The following MSH3 variants were observed in gnomAD, a reference collection of about 807,000 sequenced individuals.
The protein encoded by MSH3 is mutS homolog 3, also known as DNA mismatch repair protein Msh3.
A neutral mutation model predicts 123.3 loss-of-function variants in MSH3; 106 were observed. That is an observed-to-expected ratio of 0.86 (90% CI 0.73 to 1.01). The LOEUF is 1.01. Among genes scored for constraint, MSH3 ranks in the 50% least tolerant of loss-of-function variants. The probability of loss-of-function intolerance (pLI) is 0.00; values close to 1 mark genes in which losing one functional copy is unlikely to be tolerated. For synonymous variants in MSH3, 515 were observed against 481.4 expected, an observed-to-expected ratio of 1.07 and a Z score of -0.91; for missense variants, 1,459 against 1,347.6, an observed-to-expected ratio of 1.08 and a Z score of -1.29.
intron 21 of MSH3, among the ~76,000 whole-genome samples, chr5:80,856,889 A>C (rs1745929598): frequency 6.6e-6 from 1 of 151,188 alleles, no homozygotes; most frequent in Non-Finnish European, 1.5e-5. Context: ...TTCCCCATCT[A>C]TTTTTTTTTT....
chr5:80,694,217 A>G (rs1249568441), intron 8 of MSH3, among the ~76,000 whole-genome samples: 2 of 152,184 alleles, frequency 1.3e-5, no homozygotes, highest in African/African-American at 2.4e-5. Flanking sequence ...TGGAAAATAT[A>G]TATGTATTCA....
intron 18 of MSH3, among the ~76,000 whole-genome samples, chr5:80,788,822 GAT>G (rs1744560593): frequency 6.6e-6 from 1 of 151,266 alleles, no homozygotes; most frequent in East Asian, 1.9e-4. Flanking sequence ...AAAAAAGAGA[GAT>G]AGAATTTAAA....
In MSH3 at chr5:80,729,575, A is replaced by G. The variant is rs575376683; in HGVS notation, c.1568+610A>G. 4.6e-5 allele frequency among the ~76,000 whole-genome samples: 7 copies of G among 152,046 alleles called. No homozygotes were observed. In the South Asian group the frequency reaches 1.2e-3, roughly 27 times the overall value. ...TGCTTTATACTAACTGGACCCAGAA[A>G]TAGTATTAAAAAGCATTCATAAAAA... On this transcript the variant is annotated intron_variant, in intron 10 of 23. Transcript: ENST00000265081.
Position 80,837,270 on chromosome 5 carries a change from C to A in MSH3, c.2814-16860C>A, listed in dbSNP as rs1265591459. On this transcript the variant is annotated intron_variant, in intron 20 of 23. Transcript: ENST00000265081. ...GACCAAAGAGTGTAAATTAGTGAAA[C>A]TAGTTTGCAAGAATACTAGGGACAG... Among the ~76,000 whole-genome samples, 3 of 152,104 alleles carry A rather than the reference C, an allele frequency of 2.0e-5. No homozygotes were observed. In the East Asian group the frequency reaches 5.8e-4, roughly 29 times the overall value.
At chr5:80,689,402 ATGTT>A (rs1449510653) in intron 8 of MSH3, among the ~76,000 whole-genome samples, 13 of 152,290 alleles carry the variant, frequency 8.5e-5, no homozygotes, top group African/African-American at 3.1e-4. Context: ...AAGTTAATAC[ATGTT>A]TGTTGTAAAA....
chr5:80,823,809 A>G (rs1289417494), intron 20 of MSH3, among the ~76,000 whole-genome samples: 1 of 152,080 alleles, frequency 6.6e-6, no homozygotes, highest in East Asian at 1.9e-4. Context: ...AAGTGAACAA[A>G]GGTCTCTGGT....
intron 8 of MSH3, among the ~76,000 whole-genome samples, chr5:80,719,194 C>T (rs912986198): frequency 5.9e-5 from 9 of 151,938 alleles, no homozygotes; most frequent in Admixed American, 4.6e-4. Context: ...ACTACAGGCG[C>T]GTGCCACCAC....
At chr5:80,732,639 A>G (rs1007470285) in intron 10 of MSH3, among the ~76,000 whole-genome samples, 1 of 152,166 alleles carries the variant, frequency 6.6e-6, no homozygotes, top group Non-Finnish European at 1.5e-5. Flanking sequence ...AGGCACAAAA[A>G]TCCTCAATGA....
chr5:80,696,955 A>G (rs756409665), intron 8 of MSH3, among the ~76,000 whole-genome samples: 5 of 152,234 alleles, frequency 3.3e-5, no homozygotes, highest in Non-Finnish European at 7.3e-5. Context: ...TAATATTTTT[A>G]GTGCTGTTTA....
chr5:80,807,852 ACATCTTTGG>A (rs1209035682), intron 19 of MSH3, among the ~76,000 whole-genome samples: 1 of 152,196 alleles, frequency 6.6e-6, no homozygotes. Context: ...CCTAACTTGT[ACATCTTTGG>A]CATGTGGGAG....
intron 12 of MSH3, among the ~76,000 whole-genome samples, chr5:80,745,544 G>T (rs999518495): frequency 2.6e-5 from 4 of 152,194 alleles, no homozygotes; most frequent in Admixed American, 6.5e-5. Context: ...TTTAAAACCA[G>T]CATTGACTCC....
At position 80,792,789 on chromosome 5, in the gene MSH3, T is replaced by C. The variant is rs187411724; in HGVS notation, c.2600T>C (p.Ile867Thr). The change falls in exon 19 of 24, where the codon ATT becomes ACT. Residue 867 changes from isoleucine to threonine, a missense_variant. By Grantham distance (89) the Ile-to-Thr change is moderately conservative. Coordinates refer to ENST00000265081, the MANE Select transcript of MSH3 (RefSeq NM_002439.5). ...ATAAAAAATGGAAGGCACCCTGTGA[T>C]TGATGTGTTGCTGGGAGAACAGGAT... ...IVIKNGRHPV[I>T]DVLLGEQDQY... 2.5e-5 allele frequency: 41 copies of C among 1,613,652 alleles called. No homozygotes were observed. The African/African-American group carries it at 3.7e-4, about 15-fold the overall frequency.
chr5:80,691,674 A>T (rs1270484633), intron 8 of MSH3, among the ~76,000 whole-genome samples: 13 of 150,620 alleles, frequency 8.6e-5, no homozygotes. Context: ...AAGGGCCAAT[A>T]ATAAGTAAGA....
intron 8 of MSH3, among the ~76,000 whole-genome samples, chr5:80,680,844 T>C (rs1226913098): frequency 2.6e-5 from 4 of 152,162 alleles, no homozygotes; most frequent in African/African-American, 9.7e-5. Flanking sequence ...GTACATGACA[T>C]TGTCATATAA....
chr5:80,744,424 A>G (rs933547032), intron 11 of MSH3, 82 bp from the exon 12 acceptor site: 1 of 975,766 alleles, frequency 1.0e-6, no homozygotes, highest in Non-Finnish European at 1.6e-6. Context: ...TATATATGAC[A>G]TTTAGAATCG....
chr5:80,798,675 A>G (rs535105488), intron 19 of MSH3, among the ~76,000 whole-genome samples: 89 of 152,312 alleles, frequency 5.8e-4, no homozygotes, highest in African/African-American at 2.1e-3. Flanking sequence ...ATTAATGGCA[A>G]TTGAATATTG....
intron 22 of MSH3, among the ~76,000 whole-genome samples, chr5:80,868,754 C>T (rs1160407659): frequency 5.3e-5 from 8 of 151,006 alleles, no homozygotes; most frequent in Non-Finnish European, 7.4e-5. Flanking sequence ...TGCACATGTA[C>T]CCCTGAACTT....
intron 20 of MSH3, among the ~76,000 whole-genome samples, chr5:80,814,805 A>G (rs1745073625): frequency 6.6e-6 from 1 of 152,256 alleles, no homozygotes; most frequent in East Asian, 1.9e-4. Flanking sequence ...TGAACATTAC[A>G]TGCAACTGAC....
intron 22 of MSH3, among the ~76,000 whole-genome samples, chr5:80,871,541 A>G (rs6151926): frequency 0.018 from 2,732 of 152,128 alleles, 42 homozygotes; most frequent in South Asian, 0.04. Context: ...AAGCCTCCCA[A>G]TATCTGCTTC....
Sources: allele counts gnomAD v4.1 joint callset (sites outside exome capture counted in the v4.1 genomes callset), GRCh38; gene constraint gnomAD v4.1.1; transcripts MANE v1.5; gene names NCBI Gene and HGNC (gene_info 2026-07-23, HGNC 2026-07-21).